Variants in ADK observed in about 807,000 individuals in gnomAD.
The protein encoded by ADK is N6,N6-dimethyladenosine kinase.
A neutral mutation model predicts 44.7 loss-of-function variants in ADK; 24 were observed. The observed-to-expected ratio is 0.54, with a 90% confidence interval of 0.39 to 0.76. The LOEUF (loss-of-function observed/expected upper bound fraction) is 0.76, where lower values mean the gene tolerates loss of function less well. Among genes scored for constraint, ADK ranks in the 30% least tolerant of loss-of-function variants. The pLI is 0.00. For synonymous variants in ADK, 128 were observed against 142.6 expected, an observed-to-expected ratio of 0.90 and a Z score of 0.73; for missense variants, 321 against 425.1, an observed-to-expected ratio of 0.76 and a Z score of 2.15.
At chr10:74,700,163 T>C (rs1173137986) in intron 10 of ADK, among the ~76,000 whole-genome samples, 1 of 152,164 alleles carries the variant, frequency 6.6e-6, no homozygotes, top group Non-Finnish European at 1.5e-5. Flanking sequence ...TAAACTACAG[T>C]GTATTTATAC....
chr10:74,705,910 C>T (rs1241006773), intron 10 of ADK, among the ~76,000 whole-genome samples: 4 of 152,000 alleles, frequency 2.6e-5, no homozygotes, highest in Non-Finnish European at 5.9e-5. Flanking sequence ...TTTTCATTTG[C>T]TTATTTGGCA....
chr10:74,417,595 A>G (rs563167465), intron 6 of ADK, among the ~76,000 whole-genome samples: 1 of 152,252 alleles, frequency 6.6e-6, no homozygotes, highest in South Asian at 2.1e-4. Flanking sequence ...CCTGACAGCA[A>G]TCCTGAAACA....
At chr10:74,623,686 TAC>T (rs1853080574) in intron 9 of ADK, among the ~76,000 whole-genome samples, 1 of 151,190 alleles carries the variant, frequency 6.6e-6, no homozygotes. Context: ...TTTATATATA[TAC>T]ACATATATAC....
At chr10:74,300,350 C>CCTTCCTTT (rs1839985533) in intron 3 of ADK, among the ~76,000 whole-genome samples, 1 of 64,454 alleles carries the variant, frequency 1.6e-5, no homozygotes, top group East Asian at 2.9e-4. Flanking sequence ...TTCCTTCCTT[C>CCTTCCTTT]CTTCCTTCCT....
chr10:74,511,376 T>C (rs1848318229), intron 6 of ADK, among the ~76,000 whole-genome samples: 3 of 152,188 alleles, frequency 2.0e-5, no homozygotes, highest in Admixed American at 2.0e-4. Flanking sequence ...AATTTTAGAA[T>C]TTTTTTCCAT....
At chr10:74,483,219 TA>T (rs1379309357) in intron 6 of ADK, among the ~76,000 whole-genome samples, 5 of 152,186 alleles carry the variant, frequency 3.3e-5, no homozygotes, top group Non-Finnish European at 7.3e-5. Context: ...ACCCACAGGC[TA>T]AACACTAGGT....
At chr10:74,547,336 T>A (rs1223156930) in intron 7 of ADK, among the ~76,000 whole-genome samples, 1 of 151,666 alleles carries the variant, frequency 6.6e-6, no homozygotes, top group Non-Finnish European at 1.5e-5. Flanking sequence ...ATCTTTCTCC[T>A]TCATGCCATT....
At position 74,682,918 on chromosome 10, in the gene ADK, G is replaced by T. The variant is rs562614482; in HGVS notation, c.964+12649G>T. 9.9e-5 allele frequency among the ~76,000 whole-genome samples: 15 copies of T among 152,140 alleles called. No individual in the cohort carries two copies. The South Asian group carries it at 1.2e-3, about 13-fold the overall frequency. On this transcript the variant is annotated intron_variant, in intron 10 of 10. Coordinates refer to ENST00000539909, the MANE Select transcript of ADK (RefSeq NM_006721.4). ...ACCTGCTAGGTCAGACCTTACCCTG[G>T]CAGGCACAGTAGCTTTTTCAGTTAT...
intron 6 of ADK, among the ~76,000 whole-genome samples, chr10:74,434,619 A>G (rs1023575879): frequency 2.0e-5 from 3 of 152,200 alleles, no homozygotes; most frequent in Admixed American, 1.3e-4. Context: ...CTTTTCTTAT[A>G]AAGGTTAAAG....
At chr10:74,171,227 A>G (rs1842152292) in intron 1 of ADK, among the ~76,000 whole-genome samples, 1 of 152,220 alleles carries the variant, frequency 6.6e-6, no homozygotes, top group African/African-American at 2.4e-5. Flanking sequence ...AACTGGGTAT[A>G]CAAATCTTTA....
chr10:74,394,981 A>G (rs1397888520), intron 5 of ADK, among the ~76,000 whole-genome samples: 6 of 152,210 alleles, frequency 3.9e-5, no homozygotes, highest in African/African-American at 1.4e-4. Flanking sequence ...TTGTACCCAC[A>G]TGGAGATACT....
At chr10:74,613,809 A>G (rs1852643699) in intron 9 of ADK, among the ~76,000 whole-genome samples, 1 of 152,144 alleles carries the variant, frequency 6.6e-6, no homozygotes, top group South Asian at 2.1e-4. Context: ...CATGATCCCA[A>G]CTCAAAATAT....
intron 6 of ADK, among the ~76,000 whole-genome samples, chr10:74,495,971 T>C (rs1318818507): frequency 6.6e-6 from 1 of 152,240 alleles, no homozygotes; most frequent in Non-Finnish European, 1.5e-5. Context: ...CTCCATATAC[T>C]GTCTGACCTC....
intron 6 of ADK, among the ~76,000 whole-genome samples, chr10:74,489,281 A>G (rs374998731): frequency 7.2e-5 from 11 of 152,106 alleles, no homozygotes; most frequent in African/African-American, 2.6e-4. Flanking sequence ...ACACATAAAA[A>G]TATACCTGTC....
At chr10:74,348,124 G>A (rs1035920184) in intron 4 of ADK, among the ~76,000 whole-genome samples, 1 of 152,124 alleles carries the variant, frequency 6.6e-6, no homozygotes, top group African/African-American at 2.4e-5. Flanking sequence ...AGGAGACTCC[G>A]TGCCTTCTCA....
rs1172433418 is a variant in ADK, at chr10:74,398,461, G to A, written c.447-10G>A. The A allele has an allele frequency of 3.2e-6, 5 of 1,570,648 alleles. No individual in the cohort carries two copies. Among genetic ancestry groups the A allele is most frequent in the African/African-American group, 1.4e-5 (1 of 73,994 alleles). On this transcript the variant is annotated splice_polypyrimidine_tract_variant and intron_variant, in intron 5 of 10. Coordinates refer to ENST00000539909, the MANE Select transcript of ADK (RefSeq NM_006721.4). ...TATAATATTACTTGCTTATTCTTTGGTTGTTTTAGGTCCCTCATAGCTAAT... is the reference window on the plus strand; with the variant it reads ...TATAATATTACTTGCTTATTCTTTGATTGTTTTAGGTCCCTCATAGCTAAT...
chr10:74,319,167 C>T (rs952428668), intron 4 of ADK, among the ~76,000 whole-genome samples: 6 of 152,042 alleles, frequency 3.9e-5, no homozygotes, highest in Admixed American at 6.6e-5. Context: ...ACTGTGGTTA[C>T]GTTATTTTTT....
intron 1 of ADK, among the ~76,000 whole-genome samples, chr10:74,185,842 G>GCAAAAAAA (rs1842734808): frequency 1.5e-5 from 1 of 65,824 alleles, no homozygotes. Flanking sequence ...GTCTCAAAAA[G>GCAAAAAAA]AAAAAAAAAA....
intron 6 of ADK, among the ~76,000 whole-genome samples, chr10:74,513,429 A>C (rs1343412983): frequency 3.9e-5 from 6 of 152,160 alleles, no homozygotes; most frequent in African/African-American, 1.4e-4. Flanking sequence ...TATTGGGTGC[A>C]TATATATTTA....
Sources: gnomAD v4.1 joint callset for allele counts (sites outside exome capture counted in the v4.1 genomes callset) on GRCh38, gnomAD v4.1.1 for gene constraint, MANE v1.5 for transcripts, NCBI Gene and HGNC (gene_info 2026-07-23, HGNC 2026-07-21) for gene names.